CLMN: variants seen among roughly 807,000 people sequenced by gnomAD.
CLMN encodes the protein calmin.
CLMN carries 57 observed loss-of-function variants against 92.7 expected under a neutral mutation model. That is an observed-to-expected ratio of 0.61 (90% CI 0.50 to 0.77). The LOEUF is 0.77. Ranked by LOEUF, CLMN falls within the 30% of genes least tolerant of loss-of-function variation. The pLI is 0.00. For synonymous variants in CLMN, 466 were observed against 470.6 expected, an observed-to-expected ratio of 0.99 and a Z score of 0.13; for missense variants, 1,158 against 1,237.5, an observed-to-expected ratio of 0.94 and a Z score of 0.96.
rs552754084 is a variant in CLMN, at chr14:95,315,083, C to CTGTGTGAAAGGAAGGT, written c.82+4612_82+4627dup. Among the ~76,000 whole-genome samples the CTGTGTGAAAGGAAGGT allele has an allele frequency of 1.4e-3, 218 of 152,094 alleles. 1 individual carries two copies. The highest frequency in any genetic ancestry group is 2.3e-3 in the Non-Finnish European group (159 of 68,008). Reference sequence around the variant, plus strand: ...CATCCCACTGCTGTGTGCTCCACTGCTGTGTGAAAGGAAGGTCTAGAGATA... The same window carrying CTGTGTGAAAGGAAGGT: ...CATCCCACTGCTGTGTGCTCCACTGCTGTGTGAAAGGAAGGTTGTGTGAAAGGAAGGTCTAGAGATA... On this transcript the variant is annotated intron_variant, in intron 1 of 12. Transcript: ENST00000298912.
intron 1 of CLMN, among the ~76,000 whole-genome samples, chr14:95,232,328 T>C (rs1897915731): frequency 6.6e-6 from 1 of 152,242 alleles, no homozygotes; most frequent in Non-Finnish European, 1.5e-5. Flanking sequence ...ATATCACATA[T>C]GCCTAAAACG....
intron 1 of CLMN, among the ~76,000 whole-genome samples, chr14:95,311,371 G>A (rs1901531375): frequency 6.6e-6 from 1 of 152,144 alleles, no homozygotes; most frequent in African/African-American, 2.4e-5. Context: ...GAGGAAAGCA[G>A]GGGTGGGGCG....
At position 95,186,101 on chromosome 14, in the gene CLMN, T is replaced by C. The variant is rs1326723688; in HGVS notation, c.*5463A>G. On this transcript the variant is annotated 3_prime_UTR_variant, in exon 13 of 13. Coordinates refer to ENST00000298912, the MANE Select transcript of CLMN (RefSeq NM_024734.4). The stretch of plus-strand genomic sequence containing the variant: ...TTAACTGGGAATGAAGATGGCTATC[T>C]GGAGGTCATCAACTAGCAGGGCGAC... 1 of 152,264 alleles carries C rather than the reference T, an allele frequency of 6.6e-6. No homozygotes were observed. Among genetic ancestry groups the C allele is most frequent in the African/African-American group, 2.4e-5 (1 of 41,468 alleles). The allele number at this position is 152,264 out of a possible 1,614,324, so 9.4% of individuals were successfully genotyped here.
chr14:95,212,837 A>G (rs1015767808), intron 6 of CLMN, among the ~76,000 whole-genome samples: 14 of 149,550 alleles, frequency 9.4e-5, no homozygotes, highest in Non-Finnish European at 1.5e-4. Flanking sequence ...CCAGGCTGGA[A>G]TGCAGTGGAG....
At chr14:95,292,717 C>T (rs1900623917) in intron 1 of CLMN, among the ~76,000 whole-genome samples, 1 of 152,108 alleles carries the variant, frequency 6.6e-6, no homozygotes, top group Non-Finnish European at 1.5e-5. Flanking sequence ...CCACTAAAAA[C>T]ACCAGCTTTC....
At chr14:95,303,514 C>T (rs567463037) in intron 1 of CLMN, among the ~76,000 whole-genome samples, 3 of 152,240 alleles carry the variant, frequency 2.0e-5, no homozygotes, top group Non-Finnish European at 4.4e-5. Flanking sequence ...TCTGCAGCTG[C>T]ACCCCATATG....
chr14:95,207,400 G>A (rs143373555), intron 8 of CLMN, among the ~76,000 whole-genome samples: 114 of 152,268 alleles, frequency 7.5e-4, no homozygotes, highest in African/African-American at 2.6e-3. Flanking sequence ...GATTATAAAT[G>A]TGAGCCACTG....
rs990367664 is a variant in CLMN at position 95,221,455 on chromosome 14, G to A, written c.324+236C>T. On this transcript the variant is annotated intron_variant, in intron 4 of 12. Transcript: ENST00000298912. ...CTGCTCTGCCTTTCTACGACTGAAC[G>A]TACATCAGAGTTTTAATCCTGATGG... is the stretch of plus-strand genomic sequence containing the variant. Among the ~76,000 whole-genome samples, 4 of 152,206 alleles carry A rather than the reference G, an allele frequency of 2.6e-5. 1 individual carries two copies. Among genetic ancestry groups the A allele is most frequent in the Admixed American group, 2.6e-4 (4 of 15,286 alleles).
At chr14:95,262,509 C>A (rs1899297443) in intron 1 of CLMN, among the ~76,000 whole-genome samples, 1 of 152,208 alleles carries the variant, frequency 6.6e-6, no homozygotes, top group Non-Finnish European at 1.5e-5. Flanking sequence ...GCTTTAGAGA[C>A]AGTATCGTAT....
At chr14:95,317,283 C>T (rs1439871420) in intron 1 of CLMN, among the ~76,000 whole-genome samples, 1 of 152,044 alleles carries the variant, frequency 6.6e-6, no homozygotes, top group Non-Finnish European at 1.5e-5. Context: ...AGAGACTGAC[C>T]AAAGGAAAAA....
chr14:95,311,420 C>T lies in CLMN; in HGVS notation c.82+8291G>A, dbSNP rs535363438. On this transcript the variant is annotated intron_variant, in intron 1 of 12. Transcript: ENST00000298912. Reference sequence around the variant, plus strand: ...GGAGCCTGGGGTCCTTCCAGTTAGACCGGGAGGTCTGCAGTTCTGCAGGAG... The same window carrying T: ...GGAGCCTGGGGTCCTTCCAGTTAGATCGGGAGGTCTGCAGTTCTGCAGGAG... Among the ~76,000 whole-genome samples the T allele has an allele frequency of 9.2e-5, 14 of 152,216 alleles. No individual in the cohort carries two copies. In the East Asian group the frequency reaches 2.7e-3, roughly 29 times the overall value.
chr14:95,206,113 A>C (rs894539587), intron 8 of CLMN, among the ~76,000 whole-genome samples: 7 of 152,250 alleles, frequency 4.6e-5, no homozygotes, highest in Admixed American at 3.3e-4. Flanking sequence ...TGACACAAGC[A>C]CTAATCATAA....
rs188743080 is a variant in CLMN at position 95,272,728 on chromosome 14, A to G, written c.83-42595T>C. On this transcript the variant is annotated intron_variant, in intron 1 of 12. Coordinates refer to ENST00000298912, the MANE Select transcript of CLMN (RefSeq NM_024734.4). ...CAAGGTGGCCCTGGCTCCTGCCTGC[A>G]CGGAGTTCATGGTGTAGTGGGACAG... is the stretch of plus-strand genomic sequence containing the variant. Among the ~76,000 whole-genome samples the G allele has an allele frequency of 7.2e-5, 11 of 152,332 alleles. No individual in the cohort carries two copies. The Middle Eastern group carries it at 0.01, about 141-fold the overall frequency.
intron 1 of CLMN, among the ~76,000 whole-genome samples, chr14:95,258,938 T>C (rs1899136738): frequency 1.3e-5 from 2 of 151,018 alleles, no homozygotes; most frequent in Non-Finnish European, 3.0e-5. Flanking sequence ...GTGTGGTTTG[T>C]GAGTGAATGG....
At position 95,319,901 on chromosome 14, in the gene CLMN, G is replaced by T; in HGVS notation, c.-109C>A. 1 of 417,992 alleles carries T rather than the reference G, an allele frequency of 2.4e-6. No homozygotes were observed. The highest frequency in any genetic ancestry group is 3.1e-6 in the Non-Finnish European group (1 of 319,860). The allele number at this position is 417,992 out of a possible 1,614,324, so 25.9% of individuals were successfully genotyped here. On this transcript the variant is annotated 5_prime_UTR_variant, in exon 1 of 13. Transcript: ENST00000298912. ...CACCCGGCGAGGGCGCCGCGGAGCT[G>T]GAGTCGCGGCGGGCGCGGGCGGGGC...
chr14:95,208,843 T>C (rs577056210), intron 8 of CLMN, among the ~76,000 whole-genome samples: 11 of 152,352 alleles, frequency 7.2e-5, no homozygotes, highest in African/African-American at 2.4e-4. Flanking sequence ...CATCCTGCTC[T>C]GTCCTGCCTG....
At chr14:95,207,703 G>A (rs1001211577) in intron 8 of CLMN, among the ~76,000 whole-genome samples, 1 of 152,218 alleles carries the variant, frequency 6.6e-6, no homozygotes, top group African/African-American at 2.4e-5. Context: ...ACAGCTCCAA[G>A]TGGAGAACTG....
intron 12 of CLMN, 31 bp downstream of exon 12, chr14:95,193,818 C>T (rs941397232): frequency 2.5e-6 from 4 of 1,610,884 alleles, no homozygotes; most frequent in Non-Finnish European, 3.4e-6. Context: ...TTTATTACTA[C>T]CCCCACAAAA....
At chr14:95,212,374 A>G (rs1275154579) in intron 6 of CLMN, among the ~76,000 whole-genome samples, 2 of 152,170 alleles carry the variant, frequency 1.3e-5, no homozygotes, top group African/African-American at 4.8e-5. Context: ...TTTCCACCAC[A>G]CTGGTCTGGC....
Sources: gnomAD v4.1 joint callset for allele counts (sites outside exome capture counted in the v4.1 genomes callset) on GRCh38, gnomAD v4.1.1 for gene constraint, MANE v1.5 for transcripts, NCBI Gene and HGNC (gene_info 2026-07-23, HGNC 2026-07-21) for gene names.